IL7: variants seen among roughly 807,000 people sequenced by gnomAD.
IL7 encodes interleukin-7.
IL7 carries 3 observed loss-of-function variants against 21.6 expected under a neutral mutation model. That is an observed-to-expected ratio of 0.14 (90% CI 0.06 to 0.36). The LOEUF is 0.36. Ranked by LOEUF, IL7 falls within the 10% of genes least tolerant of loss-of-function variation. IL7 has a pLI of 1.00. For missense variants in IL7, 175 were observed against 200.2 expected (o/e 0.87, Z 0.76); for synonymous variants, 62 against 68.1 (o/e 0.91, Z 0.44).
At chr8:78,709,381 A>G (rs1405161999) in intron 3 of IL7, among the ~76,000 whole-genome samples, 1 of 152,214 alleles carries the variant, frequency 6.6e-6, no homozygotes, top group Non-Finnish European at 1.5e-5. Flanking sequence ...TGTGTGTGAA[A>G]TGAATTTGTG....
At chr8:78,697,388 T>G (rs1349662955) in intron 3 of IL7, 2 of 1,556,430 alleles carry the variant, frequency 1.3e-6, no homozygotes, top group Non-Finnish European at 1.7e-6. Context: ...TGATTAATAT[T>G]TTTTTTCCAT....
At chr8:78,687,664 ATATT>A (rs1321529433) in intron 3 of IL7, among the ~76,000 whole-genome samples, 63 of 122,636 alleles carry the variant, frequency 5.1e-4, no homozygotes, top group African/African-American at 1.6e-3. Context: ...TACATTATAT[ATATT>A]TACGTAATAC....
intron 5 of IL7, among the ~76,000 whole-genome samples, chr8:78,735,191 C>T (rs1305872110): frequency 2.7e-5 from 4 of 149,352 alleles, no homozygotes; most frequent in South Asian, 2.1e-4. Flanking sequence ...CCTTGCACAC[C>T]GAGAATAAGC....
intron 2 of IL7, among the ~76,000 whole-genome samples, chr8:78,743,033 A>G (rs1811848787): frequency 6.6e-6 from 1 of 152,178 alleles, no homozygotes; most frequent in Non-Finnish European, 1.5e-5. Context: ...CTCCAGCTCC[A>G]TCCATGTCCC....
chr8:78,755,662 T>C (rs1441336332), intron 2 of IL7, among the ~76,000 whole-genome samples: 1 of 152,080 alleles, frequency 6.6e-6, no homozygotes, highest in Non-Finnish European at 1.5e-5. Flanking sequence ...AAAATGCTAC[T>C]GATTCTCGTA....
intron 3 of IL7, chr8:78,686,725 CTT>C (rs1384334257): frequency 2.6e-6 from 3 of 1,136,014 alleles, no homozygotes; most frequent in Non-Finnish European, 3.4e-6. Flanking sequence ...GAGGCATAAT[CTT>C]TAAAATTTGG....
At chr8:78,715,705 A>G (rs1188803453), downstream of IL7, among the ~76,000 whole-genome samples, 13 of 152,144 alleles carry the variant, frequency 8.5e-5, no homozygotes, top group Admixed American at 8.5e-4. Flanking sequence ...TCAGAAGGGA[A>G]GCCTGCAGAT....
At chr8:78,705,819 A>G (rs534760441) in intron 3 of IL7, among the ~76,000 whole-genome samples, 1 of 151,984 alleles carries the variant, frequency 6.6e-6, no homozygotes, top group East Asian at 1.9e-4. Context: ...TCCAGTGAGG[A>G]GGGGCAATAT....
At chr8:78,717,229 G>T, downstream of IL7, 1 of 1,067,258 alleles carries the variant, frequency 9.4e-7, no homozygotes, top group Non-Finnish European at 1.3e-6. Context: ...ACGAGATTAA[G>T]CAGGCTAATT....
intron 2 of IL7, among the ~76,000 whole-genome samples, chr8:78,749,783 T>G (rs1401434301): frequency 6.6e-6 from 1 of 152,152 alleles, no homozygotes; most frequent in East Asian, 1.9e-4. Context: ...GGGAAAAAAC[T>G]ATTATAAAAT....
At chr8:78,722,140 G>T (rs1361990748) in intron 3 of IL7, among the ~76,000 whole-genome samples, 1 of 151,856 alleles carries the variant, frequency 6.6e-6, no homozygotes, top group Non-Finnish European at 1.5e-5. Flanking sequence ...TAAAATAAAT[G>T]CACATTACCA....
intron 3 of IL7, among the ~76,000 whole-genome samples, chr8:78,708,874 TA>T (rs1364133267): frequency 1.3e-5 from 2 of 152,038 alleles, no homozygotes; most frequent in African/African-American, 4.8e-5. Flanking sequence ...TTCACCATGT[TA>T]GGCTGGTCTC....
At chr8:78,722,897 A>G (rs1319073527) in intron 3 of IL7, among the ~76,000 whole-genome samples, 2 of 151,818 alleles carry the variant, frequency 1.3e-5, no homozygotes, top group Middle Eastern at 3.2e-3. Context: ...ACAACTTGCA[A>G]AGCTCAAAAG....
chr8:78,704,598 A>T (rs1810713077), intron 3 of IL7, among the ~76,000 whole-genome samples: 1 of 152,066 alleles, frequency 6.6e-6, no homozygotes, highest in Admixed American at 6.6e-5. Flanking sequence ...TCTCATGAGT[A>T]TCTTACTGGG....
chr8:78,733,980 TCTAA>T (rs1811493527), intron 5 of IL7, 148 bp from the exon 6 acceptor site: 1 of 558,850 alleles, frequency 1.8e-6, no homozygotes. Context: ...GACGATGATT[TCTAA>T]CTATCTTTGT....
At chr8:78,697,899 C>CT (rs1309869265) in intron 3 of IL7, among the ~76,000 whole-genome samples, 1 of 152,058 alleles carries the variant, frequency 6.6e-6, no homozygotes, top group African/African-American at 2.4e-5. Context: ...AGGATAATCT[C>CT]TATCTCCTGA....
downstream of IL7, chr8:78,717,596 G>T: frequency 7.9e-7 from 1 of 1,269,828 alleles, no homozygotes; most frequent in Non-Finnish European, 1.1e-6. Flanking sequence ...AAAAATACTC[G>T]AAATACCATT....
chr8:78,766,231 T>C (rs1176706723), intron 2 of IL7, among the ~76,000 whole-genome samples: 2 of 151,988 alleles, frequency 1.3e-5, no homozygotes, highest in Non-Finnish European at 2.9e-5. Context: ...GTTAGGAGAG[T>C]GAAACTATTC....
At position 78,733,502 on chromosome 8, in the gene IL7, A is replaced by G. The variant is rs921336829; in HGVS notation, c.*211T>C. 8.9e-6 allele frequency: 4 copies of G among 450,768 alleles called. No individual in the cohort carries two copies. The highest frequency in any genetic ancestry group is 1.6e-5 in the Non-Finnish European group (4 of 256,762). 27.9% of individuals were successfully genotyped at this position (450,768 alleles called of 1,614,324 possible). ...ATTGATAAATGTTCACATATATAAGAAATAGTTTGTTGACTGGAGCATTCA... is the reference window on the plus strand; with the variant it reads ...ATTGATAAATGTTCACATATATAAGGAATAGTTTGTTGACTGGAGCATTCA... On this transcript the variant is annotated 3_prime_UTR_variant, in exon 6 of 6. Transcript: ENST00000263851.
Sources: gnomAD v4.1 joint callset for allele counts (sites outside exome capture counted in the v4.1 genomes callset) on GRCh38, gnomAD v4.1.1 for gene constraint, MANE v1.5 for transcripts, NCBI Gene and HGNC (gene_info 2026-07-23, HGNC 2026-07-21) for gene names.